RPA3: variants seen among roughly 807,000 people sequenced by gnomAD.
RPA3 encodes the protein replication protein A3.
In RPA3, 24 loss-of-function variants were observed where a neutral mutation model predicts 13.7. The ratio of observed to expected loss-of-function variants is 1.75; its 90% CI spans 1.27 to 2.46. The LOEUF is 2.46. Ranked by LOEUF, RPA3 falls within the 30% of genes most tolerant of loss-of-function variation. RPA3 has a pLI of 0.00. For synonymous variants in RPA3, 59 were observed against 51.2 expected (o/e 1.15, Z -0.65); for missense variants, 183 against 151.0 (o/e 1.21, Z -1.11).
At chr7:7,666,914 TC>T (rs1779477301) in intron 4 of RPA3, among the ~76,000 whole-genome samples, 1 of 152,140 alleles carries the variant, frequency 6.6e-6, no homozygotes, top group Non-Finnish European at 1.5e-5. Flanking sequence ...CAAGTAATTC[TC>T]CTGCCTCTCA....
At chr7:7,714,587 T>C (rs1489552801) in intron 2 of RPA3, among the ~76,000 whole-genome samples, 1 of 152,198 alleles carries the variant, frequency 6.6e-6, no homozygotes, top group Non-Finnish European at 1.5e-5. Context: ...GGTAGATTGA[T>C]TTGTAAATAT....
At chr7:7,680,698 A>G (rs989602617) in intron 4 of RPA3, among the ~76,000 whole-genome samples, 1 of 150,484 alleles carries the variant, frequency 6.6e-6, no homozygotes, top group African/African-American at 2.4e-5. Context: ...ATTTTTTTTT[A>G]TGTGTGTTCT....
At chr7:7,673,399 G>T in intron 4 of RPA3, 1 of 1,165,910 alleles carries the variant, frequency 8.6e-7, no homozygotes, top group African/African-American at 1.5e-5. Flanking sequence ...AAAGCCTCCG[G>T]AATCTAAAAA....
At chr7:7,656,493 T>C (rs1785346627) in intron 4 of RPA3, among the ~76,000 whole-genome samples, 1 of 152,124 alleles carries the variant, frequency 6.6e-6, no homozygotes, top group South Asian at 2.1e-4. Context: ...CAGGCCCCAG[T>C]GTGTGATGTT....
intron 4 of RPA3, among the ~76,000 whole-genome samples, chr7:7,655,171 C>G (rs996444282): frequency 2.0e-5 from 3 of 152,032 alleles, no homozygotes; most frequent in Admixed American, 6.6e-5. Flanking sequence ...CAAATGATGC[C>G]TCTGGCCTGC....
intron 5 of RPA3, among the ~76,000 whole-genome samples, chr7:7,639,505 A>C (rs1158415574): frequency 6.6e-6 from 1 of 152,190 alleles, no homozygotes; most frequent in Non-Finnish European, 1.5e-5. Flanking sequence ...GTATGTTTTA[A>C]AAAACAGGCA....
intron 2 of RPA3, among the ~76,000 whole-genome samples, chr7:7,711,945 A>G (rs1275039435): frequency 1.3e-5 from 2 of 152,062 alleles, no homozygotes; most frequent in African/African-American, 4.8e-5. Flanking sequence ...TGGTATAGCG[A>G]TCCGATTTTA....
intron 4 of RPA3, among the ~76,000 whole-genome samples, chr7:7,662,205 G>A (rs1018749826): frequency 6.6e-6 from 1 of 152,144 alleles, no homozygotes; most frequent in Non-Finnish European, 1.5e-5. Context: ...TGCTGTGCTG[G>A]CAGCGATAAT....
At chr7:7,687,074 A>G (rs1780057638) in intron 3 of RPA3, among the ~76,000 whole-genome samples, 154 bp downstream of exon 3, 2 of 152,216 alleles carry the variant, frequency 1.3e-5, no homozygotes, top group African/African-American at 4.8e-5. Flanking sequence ...TGTGAGACAC[A>G]AAGTTCTGTT....
intron 5 of RPA3, 96 bp downstream of exon 5, chr7:7,640,224 T>C (rs1019975397): frequency 2.7e-5 from 35 of 1,303,114 alleles, no homozygotes; most frequent in Non-Finnish European, 4.4e-6. Flanking sequence ...GGCGCAGTGA[T>C]CGGAGGCTTT....
intron 2 of RPA3, among the ~76,000 whole-genome samples, chr7:7,696,076 G>A (rs1002488867): frequency 2.0e-5 from 3 of 147,182 alleles, no homozygotes; most frequent in African/African-American, 7.6e-5. Flanking sequence ...TGTGATCACA[G>A]CTCACTGCAG....
At chr7:7,638,923 T>C in intron 6 of RPA3, 147 bp downstream of exon 6, 1 of 514,014 alleles carries the variant, frequency 1.9e-6, no homozygotes, top group East Asian at 3.2e-5. Context: ...GAGAGAATAG[T>C]ACAAGAATTA....
At chr7:7,668,744 G>T (rs1262614878) in intron 4 of RPA3, among the ~76,000 whole-genome samples, 2 of 152,168 alleles carry the variant, frequency 1.3e-5, no homozygotes, top group Non-Finnish European at 2.9e-5. Flanking sequence ...GAATGTTAGT[G>T]ATACATACAT....
chr7:7,675,726 AT>A (rs1779722148), intron 4 of RPA3, among the ~76,000 whole-genome samples: 5 of 152,294 alleles, frequency 3.3e-5, no homozygotes, highest in African/African-American at 1.2e-4. Context: ...CCAGCACCAT[AT>A]GTCTAGCAGT....
chr7:7,703,132 A>G (rs1211593680), intron 2 of RPA3, among the ~76,000 whole-genome samples: 2 of 152,224 alleles, frequency 1.3e-5, no homozygotes, highest in Non-Finnish European at 2.9e-5. Flanking sequence ...AATTGAATAC[A>G]GCTGTAGTTT....
At chr7:7,672,569 T>C (rs1036876235) in intron 4 of RPA3, among the ~76,000 whole-genome samples, 1 of 152,150 alleles carries the variant, frequency 6.6e-6, no homozygotes, top group African/African-American at 2.4e-5. Context: ...GATAATTAAA[T>C]CATGGGAGCC....
At chr7:7,707,496 C>T (rs747763603) in intron 2 of RPA3, among the ~76,000 whole-genome samples, 2 of 152,100 alleles carry the variant, frequency 1.3e-5, no homozygotes, top group Non-Finnish European at 2.9e-5. Flanking sequence ...GCCATATGCT[C>T]TCAAATTGCT....
chr7:7,653,143 G>GT (rs1406430238), intron 4 of RPA3, among the ~76,000 whole-genome samples: 3 of 152,112 alleles, frequency 2.0e-5, no homozygotes, highest in Non-Finnish European at 2.9e-5. Flanking sequence ...CTTTTGCAGG[G>GT]TGTTTTTTCA....
chr7:7,708,938 TGAGA>T (rs1004800208), intron 2 of RPA3, among the ~76,000 whole-genome samples: 107 of 150,662 alleles, frequency 7.1e-4, no homozygotes, highest in African/African-American at 1.8e-3. Flanking sequence ...TGTGTGTGTG[TGAGA>T]GAGAGAGAGG....
Sources: gnomAD v4.1 joint callset for allele counts (sites outside exome capture counted in the v4.1 genomes callset) on GRCh38, gnomAD v4.1.1 for gene constraint, MANE v1.5 for transcripts, NCBI Gene and HGNC (gene_info 2026-07-23, HGNC 2026-07-21) for gene names.